Variants in FLRT2 observed in about 807,000 individuals in gnomAD.
FLRT2 encodes fibronectin leucine rich transmembrane protein 2.
In FLRT2, 15 loss-of-function variants were observed where a neutral mutation model predicts 40.0. That is an observed-to-expected ratio of 0.38 (90% confidence interval 0.25 to 0.58). The LOEUF is 0.58. Among genes scored for constraint, FLRT2 ranks in the 20% least tolerant of loss-of-function variants. The pLI is 0.71. For missense variants in FLRT2, 726 were observed against 840.0 expected (o/e 0.86, Z 1.68); for synonymous variants, 380 against 336.8 (o/e 1.13, Z -1.41).
chr14:85,568,580 G>T (rs1344680875), intron 1 of FLRT2, among the ~76,000 whole-genome samples: 2 of 152,066 alleles, frequency 1.3e-5, no homozygotes, highest in Non-Finnish European at 2.9e-5. Flanking sequence ...GTGGTGTTTG[G>T]GCTTCAAATC....
chr14:85,536,660 T>G (rs1888681038), intron 1 of FLRT2, among the ~76,000 whole-genome samples: 1 of 151,190 alleles, frequency 6.6e-6, no homozygotes, highest in African/African-American at 2.4e-5. Context: ...TTCCTTCTCA[T>G]CAAAGTCTGA....
At chr14:85,608,724 A>G (rs1021341244) in intron 1 of FLRT2, among the ~76,000 whole-genome samples, 1 of 152,194 alleles carries the variant, frequency 6.6e-6, no homozygotes, top group South Asian at 2.1e-4. Flanking sequence ...CAATGTTTCT[A>G]TTTATTCAGG....
At chr14:85,576,431 C>T (rs1468644048) in intron 1 of FLRT2, among the ~76,000 whole-genome samples, 1 of 152,094 alleles carries the variant, frequency 6.6e-6, no homozygotes, top group Non-Finnish European at 1.5e-5. Context: ...GACAGAATGG[C>T]ATACATTTAT....
At chr14:85,591,106 T>C (rs1428604835) in intron 1 of FLRT2, among the ~76,000 whole-genome samples, 6 of 152,208 alleles carry the variant, frequency 3.9e-5, no homozygotes, top group African/African-American at 1.4e-4. Context: ...TGATAGTAAC[T>C]GCAAAACTCT....
At position 85,630,399 on chromosome 14, in the gene FLRT2, C is replaced by T. The variant is rs1231462651; in HGVS notation, c.*6902C>T. On this transcript the variant is annotated 3_prime_UTR_variant, in exon 2 of 2. Transcript: ENST00000330753. ...CATAATAAACCTCAGTATTGGGTCACTCTTTTCCTAATATAAAAAACTATG... is the reference window on the plus strand; with the variant it reads ...CATAATAAACCTCAGTATTGGGTCATTCTTTTCCTAATATAAAAAACTATG... The T allele has an allele frequency of 2.0e-4, 30 of 148,050 alleles. No homozygotes were observed. The highest frequency in any genetic ancestry group is 1.9e-3 in the Admixed American group (27 of 14,514). The allele number at this position is 148,050 out of a possible 1,614,324, so 9.2% of individuals were successfully genotyped here.
At chr14:85,537,975 T>C (rs765301820) in intron 1 of FLRT2, among the ~76,000 whole-genome samples, 1 of 152,098 alleles carries the variant, frequency 6.6e-6, no homozygotes, top group African/African-American at 2.4e-5. Context: ...AAATTCATCA[T>C]GTTGTGTTCA....
In FLRT2 at chr14:85,640,783, A is replaced by T. The variant is rs1226681603; in HGVS notation, c.*17286A>T. 8.3e-6 allele frequency: 1 copy of T among 120,172 alleles called. No homozygotes were observed. Among genetic ancestry groups the T allele is most frequent in the Admixed American group, 9.2e-5 (1 of 10,826 alleles). The allele number at this position is 120,172 out of a possible 1,614,324, so 7.4% of individuals were successfully genotyped here. ...CATAGTGTGGCAAACACATCATTAG[A>T]AACTGCCTCCTATTCACTCTCTTAA... On this transcript the variant is annotated 3_prime_UTR_variant, in exon 2 of 2. Transcript: ENST00000330753.
rs1322019418 is a variant in FLRT2, at chr14:85,623,296, G to A, written c.1782G>A (p.Lys594=). The part of the protein sequence containing the change: ...RKDDYCEAGT[K]KDNSILEMTE... ...ATGATTATTGCGAGGCAGGCACCAA[G>A]AAGGACAACTCCATCCTGGAGATGA... Residue 594 remains lysine (K), a synonymous_variant, in exon 2 of 2, where the codon AAG becomes AAA. Transcript: ENST00000330753. 4.0e-6 allele frequency: 6 copies of A among 1,516,974 alleles called. No individual in the cohort carries two copies. Among genetic ancestry groups the A allele is most frequent in the African/African-American group, 2.8e-5 (2 of 71,680 alleles). The allele number at this position is 1,516,974 out of a possible 1,614,324, so 94.0% of individuals were successfully genotyped here.
intron 1 of FLRT2, among the ~76,000 whole-genome samples, chr14:85,602,146 G>A (rs1414602341): frequency 1.3e-5 from 2 of 152,154 alleles, no homozygotes. Flanking sequence ...TTGCACATAT[G>A]TATTTACATA....
chr14:85,574,896 C>G (rs1891059484), intron 1 of FLRT2, among the ~76,000 whole-genome samples: 1 of 152,018 alleles, frequency 6.6e-6, no homozygotes, highest in South Asian at 2.1e-4. Context: ...TCTTTAGGCT[C>G]CTTTGGAAAA....
chr14:85,638,776 A>C lies in FLRT2; in HGVS notation c.*15279A>C, dbSNP rs188674498. 1.3e-5 allele frequency: 2 copies of C among 152,352 alleles called. No individual in the cohort carries two copies. Among genetic ancestry groups the C allele is most frequent in the Admixed American group, 6.5e-5 (1 of 15,294 alleles). 9.4% of individuals were successfully genotyped at this position (152,352 alleles called of 1,614,324 possible). The stretch of plus-strand genomic sequence containing the variant: ...CCATGAATTTAAATGACGCACCTGA[A>C]CATATATGAGGCCTAGATTTTGCTG... On this transcript the variant is annotated 3_prime_UTR_variant, in exon 2 of 2. Coordinates refer to ENST00000330753, the MANE Select transcript of FLRT2 (RefSeq NM_013231.6).
At position 85,648,105 on chromosome 14, in the gene FLRT2, AG is replaced by A. The variant is rs1233839267; in HGVS notation, c.*24609del. Reference sequence around the variant, plus strand: ...AACTATGATTGGAATTGAAGGTTAAAGAAAACCCAGCTATAGATTCAGTGAC... The same window carrying A: ...AACTATGATTGGAATTGAAGGTTAAAAAAACCCAGCTATAGATTCAGTGAC... On this transcript the variant is annotated 3_prime_UTR_variant, in exon 2 of 2. Coordinates refer to ENST00000330753, the MANE Select transcript of FLRT2 (RefSeq NM_013231.6). 1 of 152,174 alleles carries A rather than the reference AG, an allele frequency of 6.6e-6. No homozygotes were observed. Among genetic ancestry groups the A allele is most frequent in the Non-Finnish European group, 1.5e-5 (1 of 68,024 alleles). 9.4% of individuals were successfully genotyped at this position (152,174 alleles called of 1,614,324 possible). A position where few individuals can be genotyped will look rare whatever the true frequency, so the allele number is the denominator to read the frequency against.
chr14:85,584,130 T>A (rs150838880), intron 1 of FLRT2, among the ~76,000 whole-genome samples: 255 of 152,318 alleles, frequency 1.7e-3, no homozygotes, highest in African/African-American at 5.9e-3. Context: ...AGGAAAGCTC[T>A]ACAATTAAAT....
At chr14:85,596,534 A>G (rs1317190386) in intron 1 of FLRT2, among the ~76,000 whole-genome samples, 1 of 151,550 alleles carries the variant, frequency 6.6e-6, no homozygotes, top group African/African-American at 2.5e-5. Flanking sequence ...AAATGTGGAA[A>G]AAGGATTTTA....
At chr14:85,595,468 C>T (rs1251137484) in intron 1 of FLRT2, among the ~76,000 whole-genome samples, 5 of 149,440 alleles carry the variant, frequency 3.3e-5, no homozygotes, top group East Asian at 3.9e-4. Context: ...AAAAAATGCC[C>T]GACAAGGTGC....
At chr14:85,576,555 A>G (rs1023621974) in intron 1 of FLRT2, among the ~76,000 whole-genome samples, 3 of 152,166 alleles carry the variant, frequency 2.0e-5, no homozygotes, top group African/African-American at 7.2e-5. Flanking sequence ...TAATCAGCAT[A>G]TTGCTTGCCT....
chr14:85,622,390 T>C lies in FLRT2; in HGVS notation c.876T>C (p.Thr292=), dbSNP rs768860026. 6 of 1,614,144 alleles carry C rather than the reference T, an allele frequency of 3.7e-6. No individual in the cohort carries two copies. The East Asian group carries it at 8.9e-5, about 24-fold the overall frequency. ...DISNNQLRML[T]QGVFDNLSNL... The stretch of plus-strand genomic sequence containing the variant: ...CCAACAACCAACTGCGGATGCTGAC[T>C]CAAGGGGTTTTTGATAATCTCTCCA... The change falls in exon 2 of 2, where the codon ACT becomes ACC. Residue 292 remains threonine (T), a synonymous_variant. Coordinates refer to ENST00000330753, the MANE Select transcript of FLRT2 (RefSeq NM_013231.6).
intron 1 of FLRT2, among the ~76,000 whole-genome samples, chr14:85,531,496 G>T (rs975988986): frequency 6.6e-6 from 1 of 152,066 alleles, no homozygotes; most frequent in African/African-American, 2.4e-5. Flanking sequence ...CTGAGGTCGG[G>T]GTACTGACAA....
rs1277208750 is a variant in FLRT2, at chr14:85,652,937, G to A, written c.*29440G>A. On this transcript the variant is annotated 3_prime_UTR_variant, in exon 2 of 2. Coordinates refer to ENST00000330753, the MANE Select transcript of FLRT2 (RefSeq NM_013231.6). ...TATAGAACTGTGAACTTTTCGATTT[G>A]TTCGGCTTGGGGAATGTCATAGTTC... 2 of 152,020 alleles carry A rather than the reference G, an allele frequency of 1.3e-5. No homozygotes were observed. Among genetic ancestry groups the A allele is most frequent in the African/African-American group, 4.8e-5 (2 of 41,390 alleles). The allele number at this position is 152,020 out of a possible 1,614,324, so 9.4% of individuals were successfully genotyped here.
Sources: allele counts gnomAD v4.1 joint callset (sites outside exome capture counted in the v4.1 genomes callset), GRCh38; gene constraint gnomAD v4.1.1; transcripts MANE v1.5; gene names NCBI Gene and HGNC (gene_info 2026-07-23, HGNC 2026-07-21).